Variants in F11 observed in about 807,000 individuals in gnomAD.
The protein encoded by F11 is coagualtion factor XI.
F11 carries 78 observed loss-of-function variants against 76.5 expected under a neutral mutation model. The observed-to-expected ratio is 1.02, with a 90% CI of 0.85 to 1.23. The LOEUF (loss-of-function observed/expected upper bound fraction) is 1.23, where lower values mean the gene tolerates loss of function less well. F11 is among the 50% of genes most tolerant of loss of function. The probability of loss-of-function intolerance (pLI) is 0.00; values close to 1 mark genes in which losing one functional copy is unlikely to be tolerated. For synonymous variants in F11, 278 were observed against 276.3 expected (o/e 1.01, Z -0.06); for missense variants, 742 against 771.4 (o/e 0.96, Z 0.45).
rs750622854 is a variant in F11 at position 186,287,733 on chromosome 4, C to T, written c.1626C>T (p.Asn542=). 33 of 1,613,216 alleles carry T rather than the reference C, an allele frequency of 2.0e-5. No homozygotes were observed. Among genetic ancestry groups the T allele is most frequent in the African/African-American group, 1.1e-4 (8 of 74,716 alleles). The change falls in exon 14 of 15, where the codon AAC becomes AAT. Residue 542 remains asparagine (N), a synonymous_variant. Coordinates refer to ENST00000403665, the MANE Select transcript of F11 (RefSeq NM_000128.4). ...LQKAKIPLVT[N]EECQKRYRGH... ...AAGCCAAGATACCCTTAGTGACCAACGAAGAGTGCCAGAAGAGATACAGAG... is the reference window on the plus strand; with the variant it reads ...AAGCCAAGATACCCTTAGTGACCAATGAAGAGTGCCAGAAGAGATACAGAG...
At chr4:186,280,161 C>G (rs766588702) in intron 8 of F11, 40 bp downstream of exon 8, 2 of 1,613,764 alleles carry the variant, frequency 1.2e-6, no homozygotes, top group South Asian at 2.2e-5. Flanking sequence ...GAGTGACCAG[C>G]CCCGAGGAGG....
intron 2 of F11, among the ~76,000 whole-genome samples, chr4:186,270,862 ATTT>A (rs34930947): frequency 1.4e-5 from 2 of 138,308 alleles, no homozygotes; most frequent in African/African-American, 5.4e-5. Flanking sequence ...CCCAGCTAGT[ATTT>A]TTTTTTTTTT....
rs146832695 is a variant in F11 at position 186,289,571 on chromosome 4, G to T, written c.*957G>T. On this transcript the variant is annotated 3_prime_UTR_variant, in exon 15 of 15. Transcript: ENST00000403665. ...TCTAAGCACTGGGATTTTCTGTTTC[G>T]TGCAAATATTTATCTCATTATTGTT... Among the ~76,000 whole-genome samples the T allele has an allele frequency of 2.2e-4, 34 of 152,178 alleles. No homozygotes were observed. Among genetic ancestry groups the T allele is most frequent in the African/African-American group, 8.0e-4 (33 of 41,508 alleles).
At chr4:186,272,070 G>A (rs1288911731) in intron 3 of F11, among the ~76,000 whole-genome samples, 1 of 151,454 alleles carries the variant, frequency 6.6e-6, no homozygotes, top group South Asian at 2.1e-4. Context: ...CTTTTCTATC[G>A]ATTATTAATT....
intron 7 of F11, 71 bp downstream of exon 7, chr4:186,276,461 T>C: frequency 6.4e-7 from 1 of 1,568,840 alleles, no homozygotes; most frequent in Non-Finnish European, 8.8e-7. Flanking sequence ...TCATTAAAAA[T>C]TCCAAGTAAC....
At position 186,275,790 on chromosome 4, in the gene F11, C is replaced by T. The variant is rs1342433300; in HGVS notation, c.489C>T (p.Asn163=). ...TRQFPSLEHR[N]ICLLKHTQTG... is the part of the protein sequence containing the mutation. ...TTTCCTTTTTCTTTTTATTCAGTAA[C>T]ATTTGTCTACTGAAGCACACCCAAA... Residue 163 remains asparagine, a synonymous_variant, in exon 6 of 15, where the codon AAC becomes AAT. Transcript: ENST00000403665. 6.2e-7 allele frequency: 1 copy of T among 1,606,566 alleles called. No individual in the cohort carries two copies. Among genetic ancestry groups the T allele is most frequent in the South Asian group, 1.1e-5 (1 of 90,656 alleles).
chr4:186,286,702 A>C (rs928807655), intron 13 of F11, 192 bp downstream of exon 13: 65 of 985,294 alleles, frequency 6.6e-5, no homozygotes, highest in South Asian at 6.1e-4. Flanking sequence ...GGAAATTTTA[A>C]ATGTGACTAA....
At chr4:186,286,640 G>C in intron 13 of F11, 130 bp downstream of exon 13, 1 of 1,506,222 alleles carries the variant, frequency 6.6e-7, no homozygotes, top group Non-Finnish European at 8.9e-7. Context: ...GATTAATAAA[G>C]ATGGAGAGGC....
chr4:186,285,660 C>A lies in F11; in HGVS notation c.1327C>A (p.Arg443Ser). The change falls in exon 12 of 15, where the codon CGT becomes AGT. Residue 443 changes from arginine (R) to serine (S), a missense_variant. Coordinates refer to ENST00000403665, the MANE Select transcript of F11 (RefSeq NM_000128.4). The part of the protein sequence containing the change: ...FYGVESPKIL[R>S]VYSGILNQSE... ...TAGGGTAGAGTCACCTAAGATTTTG[C>A]GTGTCTACAGTGGCATTTTAAATCA... 1 of 1,614,030 alleles carries A rather than the reference C, an allele frequency of 6.2e-7. No homozygotes were observed. The highest frequency in any genetic ancestry group is 8.5e-7 in the Non-Finnish European group (1 of 1,180,018).
chr4:186,274,076 G>C, intron 4 of F11, 40 bp from the exon 5 acceptor site: 1 of 1,613,386 alleles, frequency 6.2e-7, no homozygotes. Flanking sequence ...ATTGCCCCTA[G>C]AATCTGGAAG....
chr4:186,280,418 T>C (rs752575783), intron 9 of F11, 33 bp downstream of exon 9: 1 of 1,614,134 alleles, frequency 6.2e-7, no homozygotes, highest in Non-Finnish European at 8.5e-7. Context: ...CAGACACCCT[T>C]GTCCCGTCTG....
At chr4:186,285,176 A>G (rs1741093821) in intron 11 of F11, among the ~76,000 whole-genome samples, 1 of 152,084 alleles carries the variant, frequency 6.6e-6, no homozygotes, top group Non-Finnish European at 1.5e-5. Context: ...TTTTTAATCA[A>G]TCTGCAGCAC....
intron 10 of F11, chr4:186,282,828 T>G (rs1456478621): frequency 1.0e-6 from 1 of 985,228 alleles, no homozygotes; most frequent in Non-Finnish European, 1.2e-6. Flanking sequence ...AGCTGCTGTT[T>G]CCTTCCGAAC....
Position 186,288,407 on chromosome 4 carries a change from C to T in F11, c.1717-46C>T, listed in dbSNP as rs112887685. 29 of 1,612,234 alleles carry T rather than the reference C, an allele frequency of 1.8e-5. 1 individual carries two copies. The African/African-American group carries it at 1.9e-4, about 10-fold the overall frequency. On this transcript the variant is annotated intron_variant, in intron 14 of 14. Coordinates refer to ENST00000403665, the MANE Select transcript of F11 (RefSeq NM_000128.4). ...AGCAAGATGTGCTGAAGATGGGAAG[C>T]GTCTGAGTTGATCTGTGCACCTTTT...
chr4:186,274,441 T>C, intron 5 of F11, 166 bp downstream of exon 5: 1 of 782,212 alleles, frequency 1.3e-6, no homozygotes. Flanking sequence ...TAAAGCCTAA[T>C]TTGGATGCAT....
intron 12 of F11, chr4:186,286,170 A>G: frequency 1.9e-6 from 1 of 530,112 alleles, no homozygotes; most frequent in Non-Finnish European, 3.4e-6. Context: ...CAACTTGTGC[A>G]GGATCAAAGT....
At position 186,274,152 on chromosome 4, in the gene F11, A is replaced by C. The variant is rs1318112085; in HGVS notation, c.362A>C (p.Lys121Thr). The C allele has an allele frequency of 6.2e-7, 1 of 1,614,180 alleles. No individual in the cohort carries two copies. The highest frequency in any genetic ancestry group is 1.1e-5 in the South Asian group (1 of 91,084). The change falls in exon 5 of 15, where the codon AAG (lysine) becomes ACG (threonine). Residue 121 changes from lysine to threonine, a missense_variant. Coordinates refer to ENST00000403665, the MANE Select transcript of F11 (RefSeq NM_000128.4). ...GACATTTATGTGGACCTAGACATGAAGGGCATAAACTATAACAGCTCAGTT... is the reference window on the plus strand; with the variant it reads ...GACATTTATGTGGACCTAGACATGACGGGCATAAACTATAACAGCTCAGTT... ...NKDIYVDLDM[K>T]GINYNSSVAK...
rs1741442772 is a variant in F11 at position 186,289,502 on chromosome 4, A to T, written c.*888A>T. 1.3e-5 allele frequency among the ~76,000 whole-genome samples: 2 copies of T among 152,148 alleles called. No homozygotes were observed. Among genetic ancestry groups the T allele is most frequent in the African/African-American group, 4.8e-5 (2 of 41,428 alleles). On this transcript the variant is annotated 3_prime_UTR_variant, in exon 15 of 15. Coordinates refer to ENST00000403665, the MANE Select transcript of F11 (RefSeq NM_000128.4). ...ACAGAGAAAAAACAATTAGGGCGCA[A>T]ATGGATAGTTACAGTAAAGTCTTCA...
intron 3 of F11, among the ~76,000 whole-genome samples, 180 bp downstream of exon 3, chr4:186,271,951 A>T (rs1740001318): frequency 6.6e-6 from 1 of 152,162 alleles, no homozygotes; most frequent in Non-Finnish European, 1.5e-5. Context: ...AGAAAAGAAT[A>T]AATATGCCTC....
Sources: allele counts gnomAD v4.1 joint callset (sites outside exome capture counted in the v4.1 genomes callset), GRCh38; gene constraint gnomAD v4.1.1; transcripts MANE v1.5; gene names NCBI Gene and HGNC (gene_info 2026-07-23, HGNC 2026-07-21).